The following GABRB2 variants were observed in gnomAD, a reference collection of about 807,000 sequenced individuals.
GABRB2 encodes the protein gamma-aminobutyric acid receptor subunit beta-2.
Under a neutral mutation model 54.7 loss-of-function variants are expected in GABRB2, and 16 were observed. The ratio of observed to expected loss-of-function variants is 0.29; its 90% CI spans 0.20 to 0.44. The LOEUF is 0.44. Among genes scored for constraint, GABRB2 ranks in the 20% least tolerant of loss-of-function variants. The pLI is 1.00. For synonymous variants in GABRB2, 244 were observed against 233.8 expected (o/e 1.04, Z -0.40); for missense variants, 355 against 644.0 (o/e 0.55, Z 4.86).
intron 3 of GABRB2, among the ~76,000 whole-genome samples, chr5:161,511,077 A>T (rs750488669): frequency 6.6e-6 from 1 of 151,998 alleles, no homozygotes; most frequent in Non-Finnish European, 1.5e-5. Context: ...ATATTTGCCT[A>T]TAATAATTGA....
chr5:161,443,235 A>T (rs775757164), intron 4 of GABRB2, among the ~76,000 whole-genome samples: 48 of 152,230 alleles, frequency 3.2e-4, no homozygotes, highest in South Asian at 6.2e-4. Flanking sequence ...AGAAACTGAC[A>T]ACTTGCAAGG....
rs61105423 is a variant in GABRB2 at position 161,539,938 on chromosome 5, C to T, written c.237+5289G>A. ...ATACTAACAATCATCTGAGCCTTCA[C>T]GGAGTAGTAATCTTTCTGCTGATAG... On this transcript the variant is annotated intron_variant, in intron 3 of 9. Transcript: ENST00000393959. Among the ~76,000 whole-genome samples, 369 of 152,318 alleles carry T rather than the reference C, an allele frequency of 2.4e-3. 2 individuals carry two copies. The highest frequency in any genetic ancestry group is 7.9e-3 in the African/African-American group (330 of 41,570).
chr5:161,433,982 T>C (rs548915435), intron 4 of GABRB2, among the ~76,000 whole-genome samples: 1 of 152,316 alleles, frequency 6.6e-6, no homozygotes, highest in South Asian at 2.1e-4. Flanking sequence ...TTAATATTTA[T>C]TTATCATGAT....
intron 5 of GABRB2, among the ~76,000 whole-genome samples, chr5:161,393,075 C>T (rs10476353): frequency 3.3e-5 from 5 of 151,178 alleles, no homozygotes; most frequent in African/African-American, 1.2e-4. Flanking sequence ...TTACACAGAT[C>T]TTTTTTTTAA....
intron 5 of GABRB2, among the ~76,000 whole-genome samples, chr5:161,366,862 C>T (rs911279788): frequency 1.3e-5 from 2 of 152,044 alleles, no homozygotes; most frequent in Non-Finnish European, 2.9e-5. Context: ...GCTGGTGAAT[C>T]GCTTGAACCT....
At chr5:161,398,177 C>A (rs150647961) in intron 5 of GABRB2, among the ~76,000 whole-genome samples, 31 of 152,210 alleles carry the variant, frequency 2.0e-4, no homozygotes, top group African/African-American at 7.5e-4. Flanking sequence ...TACATTCCAG[C>A]AGAGGGTCAT....
chr5:161,506,726 G>A (rs1190163939), intron 3 of GABRB2, among the ~76,000 whole-genome samples: 1 of 152,030 alleles, frequency 6.6e-6, no homozygotes, highest in Non-Finnish European at 1.5e-5. Flanking sequence ...TCAAGGTAGT[G>A]GTGCTGGAAA....
intron 3 of GABRB2, among the ~76,000 whole-genome samples, chr5:161,533,913 T>C (rs1446298181): frequency 1.3e-5 from 2 of 152,030 alleles, no homozygotes; most frequent in African/African-American, 4.8e-5. Context: ...AATAAGAAAA[T>C]AGACTAAAAC....
intron 3 of GABRB2, among the ~76,000 whole-genome samples, chr5:161,523,935 T>C (rs1182825138): frequency 6.6e-6 from 1 of 151,418 alleles, no homozygotes; most frequent in Admixed American, 6.6e-5. Context: ...ATTTTGTTGT[T>C]CTATAACTTC....
Position 161,348,477 on chromosome 5 carries a change from A to C in GABRB2, c.542-11708T>G, listed in dbSNP as rs181032252. On this transcript the variant is annotated intron_variant, in intron 5 of 9. Coordinates refer to ENST00000393959, the MANE Select transcript of GABRB2 (RefSeq NM_001371727.1). ...TTATTTCATTTAGCTCCTGGAAAACATGACTGTACATTGTGAAAAAATGAA... is the reference window on the plus strand; with the variant it reads ...TTATTTCATTTAGCTCCTGGAAAACCTGACTGTACATTGTGAAAAAATGAA... Among the ~76,000 whole-genome samples, 101 of 152,178 alleles carry C rather than the reference A, an allele frequency of 6.6e-4. No individual in the cohort carries two copies. The East Asian group carries it at 0.019, about 28-fold the overall frequency.
Position 161,529,010 on chromosome 5 carries a change from CTT to C in GABRB2, c.237+16215_237+16216del, listed in dbSNP as rs569834948. ...CATGAAGGGCTGCATCTAAAAGTCT[CTT>C]ATAAAATTTAATCAAAACATAATTT... is the stretch of plus-strand genomic sequence containing the variant. On this transcript the variant is annotated intron_variant, in intron 3 of 9. Transcript: ENST00000393959. Among the ~76,000 whole-genome samples the C allele has an allele frequency of 9.3e-4, 141 of 151,954 alleles. 1 individual carries two copies. The highest frequency in any genetic ancestry group is 3.1e-3 in the African/African-American group (130 of 41,474).
chr5:161,389,534 G>T (rs577047137), intron 5 of GABRB2, among the ~76,000 whole-genome samples: 4 of 151,274 alleles, frequency 2.6e-5, no homozygotes, highest in African/African-American at 7.3e-5. Flanking sequence ...CATATAAAAT[G>T]TGTATGTGGC....
At chr5:161,423,642 C>T (rs1390926058) in intron 4 of GABRB2, among the ~76,000 whole-genome samples, 1 of 152,154 alleles carries the variant, frequency 6.6e-6, no homozygotes, top group Admixed American at 6.6e-5. Context: ...CTCTCTCTCT[C>T]TCCTCAGGCC....
intron 4 of GABRB2, among the ~76,000 whole-genome samples, chr5:161,447,649 T>C (rs1173471923): frequency 1.6e-4 from 25 of 152,176 alleles, no homozygotes; most frequent in Admixed American, 1.6e-3. Context: ...GTTTGGTTTT[T>C]CAAGGAAAAG....
At chr5:161,322,657 C>A (rs377251140) in intron 9 of GABRB2, among the ~76,000 whole-genome samples, 5 of 152,250 alleles carry the variant, frequency 3.3e-5, no homozygotes, top group African/African-American at 1.2e-4. Context: ...GGTTAATCCA[C>A]AGTACCTGTT....
chr5:161,342,326 C>A (rs1300989836), intron 5 of GABRB2, among the ~76,000 whole-genome samples: 1 of 151,896 alleles, frequency 6.6e-6, no homozygotes, highest in Non-Finnish European at 1.5e-5. Flanking sequence ...TTAACACATA[C>A]CCTCCATTTG....
At chr5:161,386,931 T>G (rs1454351735) in intron 5 of GABRB2, among the ~76,000 whole-genome samples, 1 of 151,410 alleles carries the variant, frequency 6.6e-6, no homozygotes, top group Non-Finnish European at 1.5e-5. Context: ...CGCGTAAAAA[T>G]GTATAGTGTA....
intron 9 of GABRB2, among the ~76,000 whole-genome samples, chr5:161,313,907 T>A (rs537515113): frequency 6.6e-6 from 1 of 152,336 alleles, no homozygotes; most frequent in African/African-American, 2.4e-5. Context: ...CTCTTAACTG[T>A]TGGCTTGGTC....
intron 3 of GABRB2, among the ~76,000 whole-genome samples, chr5:161,526,453 C>T (rs1760284094): frequency 6.6e-6 from 1 of 150,606 alleles, no homozygotes; most frequent in African/African-American, 2.4e-5. Context: ...AGTGTAGATG[C>T]TCTTATTATG....
Sources: allele counts gnomAD v4.1 joint callset (sites outside exome capture counted in the v4.1 genomes callset), GRCh38; gene constraint gnomAD v4.1.1; transcripts MANE v1.5; gene names NCBI Gene and HGNC (gene_info 2026-07-23, HGNC 2026-07-21).